KCNQ1: variants seen among roughly 807,000 people sequenced by gnomAD.
The protein encoded by KCNQ1 is potassium voltage-gated channel subfamily KQT member 1.
Under a neutral mutation model 72.4 loss-of-function variants are expected in KCNQ1, and 49 were observed. The ratio of observed to expected loss-of-function variants is 0.68; its 90% CI spans 0.54 to 0.86. KCNQ1 has a LOEUF of 0.86. Ranked by LOEUF, KCNQ1 falls within the 40% of genes least tolerant of loss-of-function variation. The pLI is 0.00. For missense variants in KCNQ1, 790 were observed against 945.1 expected (o/e 0.84, Z 2.15); for synonymous variants, 450 against 412.6 (o/e 1.09, Z -1.10).
At chr11:2,743,986 G>A (rs1846098692) in intron 11 of KCNQ1, among the ~76,000 whole-genome samples, 1 of 152,182 alleles carries the variant, frequency 6.6e-6, no homozygotes, top group African/African-American at 2.4e-5. Context: ...CTGATCCGGG[G>A]CCTCTTGACT....
At chr11:2,619,965 C>T (rs1229485194) in intron 10 of KCNQ1, 1 of 281,780 alleles carries the variant, frequency 3.5e-6, no homozygotes, top group African/African-American at 4.0e-5. Flanking sequence ...AAGCCTATCA[C>T]CCAGGTAGTG....
In KCNQ1 at chr11:2,549,776, G is replaced by A. The variant is rs1226373197; in HGVS notation, c.478-20852G>A. On this transcript the variant is annotated intron_variant, in intron 2 of 15. Transcript: ENST00000155840. This position sits in a 1 kb window ranked among gnomAD's most constrained non-coding sequence, Gnocchi z 6.2. The stretch of plus-strand genomic sequence containing the variant: ...CGTGAGCAGCAGCACGTGGCCCCCA[G>A]TCATGAGTACCCCAGGCCCCTATGC... 6.6e-6 allele frequency among the ~76,000 whole-genome samples: 1 copy of A among 152,102 alleles called. No individual in the cohort carries two copies.
Position 2,567,777 on chromosome 11 carries a change from A to G in KCNQ1, c.478-2851A>G, listed in dbSNP as rs1271722522. ...CCTACCACCTTGTCCCACAGGCAGG[A>G]GTCCTGCCATCTTCGAAGGCCAGCC... On this transcript the variant is annotated intron_variant, in intron 2 of 15. Coordinates refer to ENST00000155840, the MANE Select transcript of KCNQ1 (RefSeq NM_000218.3). This position sits in a 1 kb window ranked among gnomAD's most constrained non-coding sequence, Gnocchi z 6.6. 6.6e-6 allele frequency among the ~76,000 whole-genome samples: 1 copy of G among 152,220 alleles called. No homozygotes were observed. Among genetic ancestry groups the G allele is most frequent in the Non-Finnish European group, 1.5e-5 (1 of 68,032 alleles).
rs1022796917 is a variant in KCNQ1 at position 2,611,773 on chromosome 11, A to G, written c.1393+22919A>G. On this transcript the variant is annotated intron_variant, in intron 10 of 15. Coordinates refer to ENST00000155840, the MANE Select transcript of KCNQ1 (RefSeq NM_000218.3). The surrounding 1 kb of genome is among the most constrained non-coding windows in gnomAD (Gnocchi z 5.3). ...GTTATTTATTTTCTATATGTCTCAT[A>G]TCACTTTTGTTCCTCTCTTCCTCCT... 1.0e-5 allele frequency: 4 copies of G among 398,514 alleles called. No individual in the cohort carries two copies. Among genetic ancestry groups the G allele is most frequent in the Non-Finnish European group, 1.8e-5 (4 of 226,030 alleles). The allele number at this position is 398,514 out of a possible 1,614,324, so 24.7% of individuals were successfully genotyped here.
chr11:2,496,464 T>TAA (rs199852347), intron 1 of KCNQ1, among the ~76,000 whole-genome samples: 1 of 139,000 alleles, frequency 7.2e-6, no homozygotes, highest in Non-Finnish European at 1.5e-5. Flanking sequence ...AAAAATAAAA[T>TAA]TAAAAAAAAT....
In KCNQ1 at chr11:2,694,657, C is replaced by T. The variant is rs1349909972; in HGVS notation, c.1514+32576C>T. The T allele has an allele frequency of 1.0e-5, 4 of 398,514 alleles. No individual in the cohort carries two copies. In the Admixed American group the frequency reaches 1.8e-4, roughly 18 times the overall value. 24.7% of individuals were successfully genotyped at this position (398,514 alleles called of 1,614,324 possible). ...CAACAGAAATCTGTGACACACCCAC[C>T]ATGTGCGGACCCTATACGGAAGACA... On this transcript the variant is annotated intron_variant, in intron 11 of 15. Coordinates refer to ENST00000155840, the MANE Select transcript of KCNQ1 (RefSeq NM_000218.3).
rs1212651463 is a variant in KCNQ1 at position 2,478,095 on chromosome 11, T to C, written c.386+32611T>C. Among the ~76,000 whole-genome samples, 1 of 152,096 alleles carries C rather than the reference T, an allele frequency of 6.6e-6. No homozygotes were observed. Among genetic ancestry groups the C allele is most frequent in the East Asian group, 1.9e-4 (1 of 5,184 alleles). ...ATGGGACAGGCCAGCTTCACCACCC[T>C]CCGGATGGACAGCCTCGGTAGCAGA... On this transcript the variant is annotated intron_variant, in intron 1 of 15. Coordinates refer to ENST00000155840, the MANE Select transcript of KCNQ1 (RefSeq NM_000218.3). The surrounding 1 kb of genome is among the most constrained non-coding windows in gnomAD (Gnocchi z 4.0).
At position 2,610,063 on chromosome 11, in the gene KCNQ1, T is replaced by C. The variant is rs549842896; in HGVS notation, c.1393+21209T>C. On this transcript the variant is annotated intron_variant, in intron 10 of 15. Transcript: ENST00000155840. ...ATCCACAGTTTTACTTTTGGTCTTTTCTATGTACTATTTCTTGTTCCTCTA... is the reference window on the plus strand; with the variant it reads ...ATCCACAGTTTTACTTTTGGTCTTTCCTATGTACTATTTCTTGTTCCTCTA... 194 of 397,936 alleles carry C rather than the reference T, an allele frequency of 4.9e-4. 1 individual carries two copies. In the East Asian group the frequency reaches 6.9e-3, roughly 14 times the overall value. 24.7% of individuals were successfully genotyped at this position (397,936 alleles called of 1,614,324 possible).
At position 2,624,665 on chromosome 11, in the gene KCNQ1, A is replaced by C. The variant is rs1337755009; in HGVS notation, c.1393+35811A>C. The C allele has an allele frequency of 2.0e-4, 78 of 398,592 alleles. No homozygotes were observed. The East Asian group carries it at 2.8e-3, about 14-fold the overall frequency. The allele number at this position is 398,592 out of a possible 1,614,324, so 24.7% of individuals were successfully genotyped here. A position where few individuals can be genotyped will look rare whatever the true frequency, so the allele number is the denominator to read the frequency against. On this transcript the variant is annotated intron_variant, in intron 10 of 15. Transcript: ENST00000155840. This position sits in a 1 kb window ranked among gnomAD's most constrained non-coding sequence, Gnocchi z 4.9. ...GATACGTTCACAATGCTGTGCAATC[A>C]TCACTATCATCCATCTCCATAACAC...
intron 10 of KCNQ1, chr11:2,639,479 C>G (rs1183191444): frequency 3.3e-5 from 5 of 152,458 alleles, no homozygotes; most frequent in Admixed American, 1.3e-4. Flanking sequence ...GAGGTCCACT[C>G]CAGACCCTGT....
intron 2 of KCNQ1, among the ~76,000 whole-genome samples, chr11:2,546,384 G>A (rs1314975779): frequency 1.3e-5 from 2 of 152,140 alleles, no homozygotes; most frequent in Admixed American, 6.5e-5. Flanking sequence ...ATACTCCATT[G>A]TGTGCTTGGA....
At chr11:2,757,158 T>A (rs1368547412) in intron 11 of KCNQ1, among the ~76,000 whole-genome samples, 1 of 151,912 alleles carries the variant, frequency 6.6e-6, no homozygotes, top group African/African-American at 2.4e-5. Context: ...GAAAGGAGGA[T>A]CTAAAACTGT....
intron 11 of KCNQ1, among the ~76,000 whole-genome samples, chr11:2,719,760 G>A (rs747929371): frequency 6.6e-6 from 1 of 152,182 alleles, no homozygotes; most frequent in Non-Finnish European, 1.5e-5. Flanking sequence ...CACAGTGTTG[G>A]GTTGGAGAAT....
chr11:2,643,543 T>C (rs1849612910), intron 10 of KCNQ1: 2 of 398,416 alleles, frequency 5.0e-6, no homozygotes, highest in Non-Finnish European at 8.8e-6. Context: ...TATGTGTCTT[T>C]ACAGGTGAGA....
chr11:2,466,154 G>A (rs543798837), intron 1 of KCNQ1, among the ~76,000 whole-genome samples: 1 of 152,174 alleles, frequency 6.6e-6, no homozygotes. Context: ...CGCTGAGGAA[G>A]CTGGAACAGT....
In KCNQ1 at chr11:2,816,022, T is replaced by A. The variant is rs891737870; in HGVS notation, c.1795-31745T>A. On this transcript the variant is annotated intron_variant, in intron 15 of 15. Coordinates refer to ENST00000155840, the MANE Select transcript of KCNQ1 (RefSeq NM_000218.3). This position sits in a 1 kb window ranked among gnomAD's most constrained non-coding sequence, Gnocchi z 6.8. Reference sequence around the variant, plus strand: ...GGGAGTCCAAGTGTGCACACAGTCCTGGGTGAGGGCTCCGTTAGATGAATG... The same window carrying A: ...GGGAGTCCAAGTGTGCACACAGTCCAGGGTGAGGGCTCCGTTAGATGAATG... Among the ~76,000 whole-genome samples the A allele has an allele frequency of 9.8e-5, 15 of 152,306 alleles. No homozygotes were observed. Among genetic ancestry groups the A allele is most frequent in the African/African-American group, 3.4e-4 (14 of 41,568 alleles).
chr11:2,565,441 G>A lies in KCNQ1; in HGVS notation c.478-5187G>A, dbSNP rs902439906. 2.6e-5 allele frequency among the ~76,000 whole-genome samples: 4 copies of A among 152,196 alleles called. No individual in the cohort carries two copies. The highest frequency in any genetic ancestry group is 9.7e-5 in the African/African-American group (4 of 41,440). On this transcript the variant is annotated intron_variant, in intron 2 of 15. Coordinates refer to ENST00000155840, the MANE Select transcript of KCNQ1 (RefSeq NM_000218.3). This position sits in a 1 kb window ranked among gnomAD's most constrained non-coding sequence, Gnocchi z 5.6. ...CTTCTTCACAGAAATGACTGTCCAA[G>A]CCCTTTGCCTATTTTTTAAAAATTG...
At chr11:2,770,510 G>A (rs977644241) in intron 12 of KCNQ1, among the ~76,000 whole-genome samples, 1 of 152,232 alleles carries the variant, frequency 6.6e-6, no homozygotes, top group East Asian at 1.9e-4. Flanking sequence ...CTCCAGGGGG[G>A]TTTCGCATGC....
chr11:2,700,268 C>T (rs1023946119), intron 11 of KCNQ1, among the ~76,000 whole-genome samples: 9 of 152,122 alleles, frequency 5.9e-5, no homozygotes, highest in African/African-American at 1.9e-4. Flanking sequence ...CTGCCCCCAC[C>T]CGTCGTCCCT....
Sources: allele counts gnomAD v4.1 joint callset (sites outside exome capture counted in the v4.1 genomes callset), GRCh38; gene constraint gnomAD v4.1.1; non-coding constraint Gnocchi (gnomAD v3.1); transcripts MANE v1.5; gene names NCBI Gene and HGNC (gene_info 2026-07-23, HGNC 2026-07-21).